GGA2: variants seen among roughly 807,000 people sequenced by gnomAD.
The protein encoded by GGA2 is ADP-ribosylation factor-binding protein GGA2.
A neutral mutation model predicts 79.5 loss-of-function variants in GGA2; 48 were observed. The ratio of observed to expected loss-of-function variants is 0.60; its 90% CI spans 0.48 to 0.77. GGA2 has a LOEUF of 0.77. Among genes scored for constraint, GGA2 ranks in the 30% least tolerant of loss-of-function variants. GGA2 has a pLI of 0.00. For missense variants in GGA2, 770 were observed against 774.0 expected (o/e 0.99, Z 0.06); for synonymous variants, 317 against 302.0 (o/e 1.05, Z -0.51).
intron 3 of GGA2, chr16:23,493,665 G>GT: frequency 1.8e-6 from 1 of 563,576 alleles, no homozygotes; most frequent in Non-Finnish European, 3.2e-6. Context: ...ACTGCCTGAG[G>GT]TTTATGCCCA....
intron 5 of GGA2, among the ~76,000 whole-genome samples, chr16:23,490,959 G>A (rs956266916): frequency 2.6e-5 from 4 of 151,998 alleles, no homozygotes; most frequent in African/African-American, 9.7e-5. Flanking sequence ...ACGCCTGGGA[G>A]GCTGTGGGAG....
chr16:23,472,532 G>T (rs1964524469), intron 14 of GGA2, among the ~76,000 whole-genome samples: 2 of 150,932 alleles, frequency 1.3e-5, no homozygotes, highest in Admixed American at 1.3e-4. Flanking sequence ...CAGGTAGAAA[G>T]AAATTGACCT....
chr16:23,510,119 G>A (rs1228470802), intron 1 of GGA2, among the ~76,000 whole-genome samples: 2 of 151,198 alleles, frequency 1.3e-5, no homozygotes, highest in African/African-American at 2.4e-5. Context: ...GAGCTCAGAA[G>A]GGGGCCGCTG....
intron 9 of GGA2, among the ~76,000 whole-genome samples, chr16:23,481,446 A>G (rs570333168): frequency 6.6e-6 from 1 of 152,134 alleles, no homozygotes; most frequent in Non-Finnish European, 1.5e-5. Context: ...ACTGAGACCG[A>G]GAGAACTGTC....
chr16:23,481,136 T>G (rs1964642636), intron 9 of GGA2, among the ~76,000 whole-genome samples: 1 of 152,202 alleles, frequency 6.6e-6, no homozygotes, highest in Non-Finnish European at 1.5e-5. Context: ...CCCAGCATTT[T>G]GGGAGGCCGA....
In GGA2 at chr16:23,465,327, C is replaced by T. The variant is rs1330203433; in HGVS notation, c.*2263G>A. The T allele has an allele frequency of 1.4e-6, 1 of 702,830 alleles. No individual in the cohort carries two copies. Among genetic ancestry groups the T allele is most frequent in the South Asian group, 1.5e-5 (1 of 67,598 alleles). 43.5% of individuals were successfully genotyped at this position (702,830 alleles called of 1,614,324 possible). ...TGAATGAAGAGGTAGGAGCTGGGCT[C>T]TAAGTGGCCACTGGACTTGCTGATT... On this transcript the variant is annotated 3_prime_UTR_variant, in exon 17 of 17. Coordinates refer to ENST00000309859, the MANE Select transcript of GGA2 (RefSeq NM_015044.4).
At chr16:23,483,799 C>T (rs954120264) in intron 8 of GGA2, among the ~76,000 whole-genome samples, 1 of 151,798 alleles carries the variant, frequency 6.6e-6, no homozygotes, top group Non-Finnish European at 1.5e-5. Flanking sequence ...AGGCATGCGC[C>T]ACCACGCCCG....
In GGA2 at chr16:23,482,934, T is replaced by C; in HGVS notation, c.869A>G (p.Asp290Gly). The change falls in exon 9 of 17, where the codon GAT (aspartate) becomes GGT (glycine). Residue 290 changes from aspartate to glycine, a missense_variant. Asp to Gly is a moderately conservative substitution (Grantham distance 94). Coordinates refer to ENST00000309859, the MANE Select transcript of GGA2 (RefSeq NM_015044.4). ...FRLASDTTDDDDALAEILQAN... is the reference protein window; with the variant it reads ...FRLASDTTDDGDALAEILQAN... ...GAAAGAAAACTTACCGAGTGCATCA[T>C]CGTCATCAGTGGTGTCACTCGCCAA... 1 of 1,604,142 alleles carries C rather than the reference T, an allele frequency of 6.2e-7. No homozygotes were observed.
At chr16:23,501,014 A>G in intron 1 of GGA2, 1 of 342,006 alleles carries the variant, frequency 2.9e-6, no homozygotes, top group Admixed American at 4.0e-5. Context: ...TTTGACACAC[A>G]TTAGAAAGTG....
intron 2 of GGA2, among the ~76,000 whole-genome samples, chr16:23,518,780 CAT>C (rs1965117924): frequency 6.6e-6 from 1 of 152,210 alleles, no homozygotes; most frequent in Non-Finnish European, 1.5e-5. Flanking sequence ...ATCTTACTAA[CAT>C]AGTCCTCAAA....
intron 1 of GGA2, 113 bp downstream of exon 1, chr16:23,510,208 C>T (rs886107707): frequency 3.5e-6 from 2 of 565,956 alleles, no homozygotes; most frequent in Non-Finnish European, 5.3e-6. Context: ...GCCCCCTACC[C>T]GGCCGCCGGC....
upstream of GGA2, among the ~76,000 whole-genome samples, chr16:23,513,733 C>T (rs1018168087): frequency 3.5e-5 from 5 of 141,286 alleles, no homozygotes; most frequent in African/African-American, 1.3e-4. Context: ...TGCAGTGAGC[C>T]GAGATCACAC....
At chr16:23,494,253 C>G (rs749286465) in intron 3 of GGA2, 50 bp downstream of exon 3, 1 of 1,228,582 alleles carries the variant, frequency 8.1e-7, no homozygotes. Context: ...TCTCGGCTCT[C>G]TATAGCACAA....
chr16:23,497,488 T>C (rs557785919), intron 1 of GGA2, among the ~76,000 whole-genome samples: 78 of 151,486 alleles, frequency 5.1e-4, no homozygotes, highest in Non-Finnish European at 1.1e-3. Context: ...ATAGGGAGGG[T>C]CAACGGACAG....
rs1296501880 is a variant in GGA2 at position 23,478,367 on chromosome 16, C to T, written c.1292+1G>A. 2 of 1,580,160 alleles carry T rather than the reference C, an allele frequency of 1.3e-6. No homozygotes were observed. The highest frequency in any genetic ancestry group is 1.7e-6 in the Non-Finnish European group (2 of 1,161,730). ...CCACTCCCCTTGCCCAGAAGACTCA[C>T]AGAGGGCACGGAGCTGGCTGTGCTG... is the stretch of plus-strand genomic sequence containing the variant. On this transcript the variant is annotated splice_donor_variant, in intron 13 of 16. Coordinates refer to ENST00000309859, the MANE Select transcript of GGA2 (RefSeq NM_015044.4). LOFTEE classifies it high-confidence loss of function.
intron 5 of GGA2, among the ~76,000 whole-genome samples, chr16:23,489,542 C>A (rs1170633311): frequency 2.0e-5 from 3 of 152,178 alleles, no homozygotes; most frequent in African/African-American, 7.2e-5. Context: ...GCCCAGCCTA[C>A]AGCTTCCCTG....
upstream of GGA2, chr16:23,524,223 T>C (rs1456844637): frequency 3.0e-5 from 22 of 726,090 alleles, no homozygotes; most frequent in Non-Finnish European, 4.4e-5. Context: ...GGATCACAAA[T>C]GCACTTGTGT....
In GGA2 at chr16:23,465,599, T is replaced by C. The variant is rs1964426105; in HGVS notation, c.*1991A>G. Reference sequence around the variant, plus strand: ...ACCCTTCAGAGGGAGATGCTGTCATTATGATGGGTACCTCTTCAAGACTAC... The same window carrying C: ...ACCCTTCAGAGGGAGATGCTGTCATCATGATGGGTACCTCTTCAAGACTAC... On this transcript the variant is annotated 3_prime_UTR_variant, in exon 17 of 17. Transcript: ENST00000309859. 3.3e-6 allele frequency: 2 copies of C among 601,778 alleles called. No homozygotes were observed. The highest frequency in any genetic ancestry group is 2.9e-5 in the Admixed American group (1 of 34,814). The allele number at this position is 601,778 out of a possible 1,614,324, so 37.3% of individuals were successfully genotyped here.
Position 23,465,165 on chromosome 16 carries a change from A to T in GGA2, c.*2425T>A. The T allele has an allele frequency of 1.7e-6, 1 of 594,394 alleles. No homozygotes were observed. 36.8% of individuals were successfully genotyped at this position (594,394 alleles called of 1,614,324 possible). A position where few individuals can be genotyped will look rare whatever the true frequency, so the allele number is the denominator to read the frequency against. ...GCTGGTCAACAACTAGCTTTTAAAAAAACAGAGACACGGTCTCACTATGTA... is the reference window on the plus strand; with the variant it reads ...GCTGGTCAACAACTAGCTTTTAAAATAACAGAGACACGGTCTCACTATGTA... On this transcript the variant is annotated 3_prime_UTR_variant, in exon 17 of 17. Coordinates refer to ENST00000309859, the MANE Select transcript of GGA2 (RefSeq NM_015044.4).
Sources: gnomAD v4.1 joint callset for allele counts (sites outside exome capture counted in the v4.1 genomes callset) on GRCh38, gnomAD v4.1.1 for gene constraint, MANE v1.5 for transcripts, NCBI Gene and HGNC (gene_info 2026-07-23, HGNC 2026-07-21) for gene names.